The following ADGRL1 variants were observed in gnomAD, a reference collection of about 807,000 sequenced individuals.
ADGRL1 encodes the protein adhesion G protein-coupled receptor L1.
A neutral mutation model predicts 148.9 loss-of-function variants in ADGRL1; 31 were observed. That is an observed-to-expected ratio of 0.21 (90% CI 0.16 to 0.28). The LOEUF is 0.28. ADGRL1 is among the 10% of genes least tolerant of loss of function. The pLI, the probability that ADGRL1 is intolerant of heterozygous loss-of-function variation, is 1.00. For missense variants in ADGRL1, 1,521 were observed against 2,058.8 expected, an observed-to-expected ratio of 0.74 and a Z score of 5.05; for synonymous variants, 937 against 900.3, an observed-to-expected ratio of 1.04 and a Z score of -0.73.
In ADGRL1 at chr19:14,157,371, G is replaced by A; in HGVS notation, c.2625C>T (p.Ser875=). 3 of 1,614,218 alleles carry A rather than the reference G, an allele frequency of 1.9e-6. No homozygotes were observed. The highest frequency in any genetic ancestry group is 2.5e-6 in the Non-Finnish European group (3 of 1,180,010). ...ISLVCLAICI[S]TFCFLRGLQT... Reference sequence around the variant, plus strand: ...GCAGCCCCCGCAGGAAGCAGAAGGTGGAGATGCAGATGGCCAAGCAGACCA... The same window carrying A: ...GCAGCCCCCGCAGGAAGCAGAAGGTAGAGATGCAGATGGCCAAGCAGACCA... The change falls in exon 14 of 23, where the codon TCC becomes TCT. Residue 875 remains serine, a synonymous_variant. Transcript: ENST00000361434. The surrounding 1 kb of genome is among the most constrained non-coding windows in gnomAD (Gnocchi z 7.5).
intron 1 of ADGRL1, among the ~76,000 whole-genome samples, chr19:14,191,820 T>A (rs1200377362): frequency 6.6e-6 from 1 of 152,010 alleles, no homozygotes; most frequent in Admixed American, 6.6e-5. Context: ...CTCAGCCTCC[T>A]GAGTAGCTGG....
At chr19:14,190,975 C>A in intron 1 of ADGRL1, 1 of 408,508 alleles carries the variant, frequency 2.4e-6, no homozygotes, top group Non-Finnish European at 5.0e-6. Context: ...GTAATCTCAG[C>A]TACTCGGGAG....
rs142772482 is a variant in ADGRL1, at chr19:14,186,400, A to G, written c.-95-2703T>C. Among the ~76,000 whole-genome samples the G allele has an allele frequency of 3.6e-4, 55 of 152,242 alleles. No individual in the cohort carries two copies. In the East Asian group the frequency reaches 8.9e-3, roughly 25 times the overall value. On this transcript the variant is annotated intron_variant, in intron 1 of 22. Transcript: ENST00000361434. Reference sequence around the variant, plus strand: ...TTTAGAATAGGCCTGGCACGTGGCAATGAATTAATTATTTGTTGAATGAAT... The same window carrying G: ...TTTAGAATAGGCCTGGCACGTGGCAGTGAATTAATTATTTGTTGAATGAAT...
Position 14,147,802 on chromosome 19 carries a change from CTTT to C in ADGRL1, c.*3068_*3070del, listed in dbSNP as rs369804811. Reference sequence around the variant, plus strand: ...TTTTGACTCAACAATTTTTTTAAAACTTTTTGTTTTTTTCTGAAACGTTCTTGT... The same window carrying C: ...TTTTGACTCAACAATTTTTTTAAAACTTGTTTTTTTCTGAAACGTTCTTGT... On this transcript the variant is annotated 3_prime_UTR_variant, in exon 23 of 23. Transcript: ENST00000361434. 5 of 152,504 alleles carry C rather than the reference CTTT, an allele frequency of 3.3e-5. No individual in the cohort carries two copies. The highest frequency in any genetic ancestry group is 2.1e-4 in the South Asian group (1 of 4,802). The allele number at this position is 152,504 out of a possible 1,614,324, so 9.4% of individuals were successfully genotyped here.
chr19:14,176,866 G>A (rs778513847), intron 3 of ADGRL1, among the ~76,000 whole-genome samples: 1 of 151,778 alleles, frequency 6.6e-6, no homozygotes, highest in Non-Finnish European at 1.5e-5. Context: ...TGGGATGAAG[G>A]GAAAAGTCCT....
In ADGRL1 at chr19:14,151,349, C is replaced by T. The variant is rs997993777; in HGVS notation, c.3934G>A (p.Gly1312Arg). The change falls in exon 23 of 23, where the codon GGG becomes AGG. Residue 1312 changes from glycine to arginine, a missense_variant. Gly to Arg is a moderately radical substitution (Grantham distance 125, BLOSUM62 -2). Coordinates refer to ENST00000361434, the MANE Select transcript of ADGRL1 (RefSeq NM_014921.5). ...GGCCCGCCCGCCTCTTCCTCGCCCC[C>T]GCCCCCTGGCACAGGTGGCACAGGG... ...EPPVPPVPGG[G>R]GEEEAGGPGG... 2.0e-5 allele frequency: 32 copies of T among 1,599,378 alleles called. No homozygotes were observed. Among genetic ancestry groups the T allele is most frequent in the Non-Finnish European group, 2.6e-5 (30 of 1,173,888 alleles).
chr19:14,202,858 C>G (rs1197203802), intron 1 of ADGRL1, among the ~76,000 whole-genome samples: 1 of 152,064 alleles, frequency 6.6e-6, no homozygotes, highest in Non-Finnish European at 1.5e-5. Context: ...CAGGAGGGAC[C>G]TTTATGAACA....
In ADGRL1 at chr19:14,184,642, ATTTATT is replaced by A. The variant is rs1421816807; in HGVS notation, c.-95-951_-95-946del. The stretch of plus-strand genomic sequence containing the variant: ...TATTTATTTATTTATTTATTTATTT[ATTTATT>A]TTTTTTTCTGAGACGGAGTCGTGCT... On this transcript the variant is annotated intron_variant, in intron 1 of 22. Transcript: ENST00000361434. 1.0e-3 allele frequency among the ~76,000 whole-genome samples: 110 copies of A among 107,880 alleles called. 4 individuals carry two copies. The highest frequency in any genetic ancestry group is 5.0e-3 in the African/African-American group (101 of 20,264). 70.8% of individuals were successfully genotyped at this position (107,880 alleles called of 152,430 possible).
At chr19:14,202,297 C>T (rs1446891501) in intron 1 of ADGRL1, among the ~76,000 whole-genome samples, 11 of 151,646 alleles carry the variant, frequency 7.3e-5, no homozygotes, top group Admixed American at 2.0e-4. Context: ...CTGTCGCCCA[C>T]GCTGGAGTGC....
chr19:14,155,385 C>G lies in ADGRL1; in HGVS notation c.3268G>C (p.Val1090Leu), dbSNP rs536482945. Residue 1090 changes from valine (V) to leucine (L), a missense_variant, in exon 18 of 23, where the codon GTC becomes CTC. Val to Leu is a conservative substitution (Grantham distance 32, BLOSUM62 1). Around this residue, in one of 8 missense-constraint regions of ADGRL1, gnomAD observed 185 missense variants for 251.7 expected, o/e 0.74. Transcript: ENST00000361434. The surrounding 1 kb of genome is among the most constrained non-coding windows in gnomAD (Gnocchi z 5.0). The stretch of plus-strand genomic sequence containing the variant: ...TTCTTCTGTAAGGCGCAGTGAAAGA[C>G]GAAGATGAAGACCCCCTGGAAGGCG... The part of the protein sequence containing the change: ...FNAFQGVFIF[V>L]FHCALQKKVH... 6.2e-7 allele frequency: 1 copy of G among 1,614,004 alleles called. No individual in the cohort carries two copies. The highest frequency in any genetic ancestry group is 1.1e-5 in the South Asian group (1 of 91,068).
intron 17 of ADGRL1, 103 bp downstream of exon 17, chr19:14,156,006 AC>A (rs955188053): frequency 3.0e-5 from 25 of 830,268 alleles, no homozygotes; most frequent in African/African-American, 2.6e-4. Context: ...AATGTGTGTC[AC>A]CAGAGGTGAC....
In ADGRL1 at chr19:14,160,575, AG is replaced by A; in HGVS notation, c.1614+17del. ...GCCCGAGCACATGTGCCTGCCTGCG[AG>A]GGGTGGTGGCTGGTACCTTCTGGGC... On this transcript the variant is annotated intron_variant, in intron 7 of 22. Coordinates refer to ENST00000361434, the MANE Select transcript of ADGRL1 (RefSeq NM_014921.5). This position sits in a 1 kb window ranked among gnomAD's most constrained non-coding sequence, Gnocchi z 5.9. 6.4e-7 allele frequency: 1 copy of A among 1,566,716 alleles called. No individual in the cohort carries two copies. The highest frequency in any genetic ancestry group is 8.7e-7 in the Non-Finnish European group (1 of 1,150,710).
rs778408387 is a variant in ADGRL1, at chr19:14,157,025, A to C, written c.2866T>G (p.Ser956Ala). ...CCCAGGTAGTAGTACTTGGTGCGGG[A>C]ATACTCGCTCTCAAACACCTCCACT... is the stretch of plus-strand genomic sequence containing the variant. ...LLVEVFESEYSRTKYYYLGGY... is the reference protein window; with the variant it reads ...LLVEVFESEYARTKYYYLGGY... The change falls in exon 15 of 23, where the codon TCC (serine) becomes GCC (alanine). Residue 956 changes from serine to alanine, a missense_variant. Physicochemically the swap from Ser to Ala is moderately conservative, Grantham distance 99. Transcript: ENST00000361434. This position sits in a 1 kb window ranked among gnomAD's most constrained non-coding sequence, Gnocchi z 7.5. 6.2e-7 allele frequency: 1 copy of C among 1,613,950 alleles called. No individual in the cohort carries two copies. The highest frequency in any genetic ancestry group is 2.2e-5 in the East Asian group (1 of 44,882).
intron 1 of ADGRL1, among the ~76,000 whole-genome samples, chr19:14,196,049 T>C (rs546758239): frequency 6.6e-6 from 1 of 152,244 alleles, no homozygotes; most frequent in African/African-American, 2.4e-5. Context: ...ACTCCTCAGC[T>C]TCTCTGGTCC....
chr19:14,156,569 G>GTC, intron 16 of ADGRL1, 89 bp downstream of exon 16: 1 of 885,364 alleles, frequency 1.1e-6, no homozygotes, highest in Non-Finnish European at 1.8e-6. Flanking sequence ...GTGTGTGTGG[G>GTC]GGGGGTGGGG....
intron 15 of ADGRL1, 40 bp from the exon 16 acceptor site, chr19:14,156,764 G>A (rs748655849): frequency 1.9e-6 from 3 of 1,583,960 alleles, no homozygotes; most frequent in Middle Eastern, 3.4e-4. Context: ...GAGAAGCCGA[G>A]GAGCCATTCC....
Position 14,171,479 on chromosome 19 carries a change from T to C in ADGRL1, c.285-688A>G, listed in dbSNP as rs140904972. ...TCCTGGCCACCCCTCATCTCTTTCA[T>C]TGTGAGTGTAGCTGACACTATTATA... On this transcript the variant is annotated intron_variant, in intron 3 of 22. Coordinates refer to ENST00000361434, the MANE Select transcript of ADGRL1 (RefSeq NM_014921.5). Among the ~76,000 whole-genome samples the C allele has an allele frequency of 2.0e-3, 311 of 152,308 alleles. 2 individuals carry two copies. Among genetic ancestry groups the C allele is most frequent in the African/African-American group, 7.2e-3 (298 of 41,564 alleles).
intron 2 of ADGRL1, among the ~76,000 whole-genome samples, chr19:14,180,210 T>C (rs563622014): frequency 3.3e-5 from 5 of 152,256 alleles, no homozygotes; most frequent in Admixed American, 6.5e-5. Context: ...GGAAACTCCA[T>C]GCATGGAACT....
intron 4 of ADGRL1, chr19:14,167,053 G>T: frequency 6.3e-7 from 1 of 1,592,118 alleles, no homozygotes; most frequent in Non-Finnish European, 8.6e-7. Context: ...TCGGAAGAGA[G>T]AGAGAAAACA....
Sources: allele counts gnomAD v4.1 joint callset (sites outside exome capture counted in the v4.1 genomes callset), GRCh38; gene constraint gnomAD v4.1.1; regional missense constraint gnomAD v4.1.1; non-coding constraint Gnocchi (gnomAD v3.1); transcripts MANE v1.5; gene names NCBI Gene and HGNC (gene_info 2026-07-23, HGNC 2026-07-21).